The following UPP2 variants were observed in gnomAD, a reference collection of about 807,000 sequenced individuals.
UPP2 encodes the protein UPase 2.
A neutral mutation model predicts 26.7 loss-of-function variants in UPP2; 23 were observed. The observed-to-expected ratio is 0.86, with a 90% CI of 0.62 to 1.22. The LOEUF (loss-of-function observed/expected upper bound fraction) is 1.22. Among genes scored for constraint, UPP2 ranks in the 50% most tolerant of loss-of-function variants. The pLI, the probability that UPP2 is intolerant of heterozygous loss-of-function variation, is 0.00. For synonymous variants in UPP2, 127 were observed against 141.3 expected, an observed-to-expected ratio of 0.90 and a Z score of 0.72; for missense variants, 387 against 396.7, an observed-to-expected ratio of 0.98 and a Z score of 0.21.
chr2:158,065,457 A>T, intron 3 of UPP2: 1 of 280,298 alleles, frequency 3.6e-6, no homozygotes. Flanking sequence ...AGTATATTGA[A>T]GTAGACTTCA....
rs1008334916 is a variant in UPP2 at position 158,128,011 on chromosome 2, A to G, written c.811+4116A>G. Reference sequence around the variant, plus strand: ...CCCAAACATTCTGATGAAAGATGATAATCCTCTTGTACTGTGAACTTGTGG... The same window carrying G: ...CCCAAACATTCTGATGAAAGATGATGATCCTCTTGTACTGTGAACTTGTGG... On this transcript the variant is annotated intron_variant, in intron 6 of 6. Coordinates refer to ENST00000005756, the MANE Select transcript of UPP2 (RefSeq NM_173355.4). 7 of 985,292 alleles carry G rather than the reference A, an allele frequency of 7.1e-6. No homozygotes were observed. In the African/African-American group the frequency reaches 1.0e-4, roughly 15 times the overall value. 61.0% of individuals were successfully genotyped at this position (985,292 alleles called of 1,614,324 possible).
At chr2:158,002,592 G>A (rs1038518163) in intron 2 of UPP2, among the ~76,000 whole-genome samples, 2 of 152,268 alleles carry the variant, frequency 1.3e-5, no homozygotes, top group Non-Finnish European at 2.9e-5. Context: ...GTATTGAAGG[G>A]AAGATCCCTG....
chr2:158,057,593 T>G (rs1056721648), intron 3 of UPP2, among the ~76,000 whole-genome samples: 5 of 152,152 alleles, frequency 3.3e-5, no homozygotes, highest in Non-Finnish European at 4.4e-5. Context: ...ATTAATATCC[T>G]ATATTACACT....
At chr2:158,128,190 T>G (rs917559402) in intron 6 of UPP2, among the ~76,000 whole-genome samples, 1 of 152,242 alleles carries the variant, frequency 6.6e-6, no homozygotes, top group Non-Finnish European at 1.5e-5. Flanking sequence ...ACAGTGGCTT[T>G]TCTTTAAAGA....
chr2:158,118,287 T>TAAA (rs145239989), intron 4 of UPP2, among the ~76,000 whole-genome samples: 20 of 146,230 alleles, frequency 1.4e-4, no homozygotes, highest in Non-Finnish European at 2.7e-4. Flanking sequence ...TGTGTTCAAG[T>TAAA]AAAAAAAAAA....
chr2:158,013,854 G>A (rs1462672558), intron 2 of UPP2, among the ~76,000 whole-genome samples: 2 of 152,202 alleles, frequency 1.3e-5, no homozygotes, highest in Non-Finnish European at 2.9e-5. Context: ...GACAAGCCCA[G>A]GGGTTTTGTT....
intron 3 of UPP2, among the ~76,000 whole-genome samples, chr2:158,073,460 G>T (rs1682576573): frequency 6.6e-6 from 1 of 152,082 alleles, no homozygotes; most frequent in South Asian, 2.1e-4. Flanking sequence ...AAAATGTAGA[G>T]AAAGATATCA....
chr2:158,065,900 A>T, intron 3 of UPP2: 1 of 599,028 alleles, frequency 1.7e-6, no homozygotes, highest in Admixed American at 2.3e-5. Flanking sequence ...CCCTAGCATT[A>T]ATTGAAGGCA....
At chr2:158,021,676 A>C (rs1683754187) in intron 3 of UPP2, among the ~76,000 whole-genome samples, 1 of 152,200 alleles carries the variant, frequency 6.6e-6, no homozygotes, top group Admixed American at 6.5e-5. Flanking sequence ...GGAATTTAAG[A>C]TTTTTAATTT....
intron 3 of UPP2, among the ~76,000 whole-genome samples, chr2:158,046,447 G>T (rs1441482085): frequency 1.3e-5 from 2 of 152,162 alleles, no homozygotes; most frequent in Non-Finnish European, 2.9e-5. Flanking sequence ...CAGAGAATCT[G>T]CTTGCCCCAA....
chr2:158,026,552 A>G lies in UPP2; in HGVS notation c.147+10666A>G, dbSNP rs78560952. On this transcript the variant is annotated intron_variant, in intron 3 of 9. Transcript: ENST00000605860. ...CTTGGTAGATGGAGGAGATGCATAT[A>G]TGGTTGAGGAGAGGGGATACTTCAT... Among the ~76,000 whole-genome samples, 1,373 of 152,194 alleles carry G rather than the reference A, an allele frequency of 9.0e-3. 19 individuals carry two copies. The highest frequency in any genetic ancestry group is 0.031 in the African/African-American group (1,267 of 41,512).
intron 2 of UPP2, among the ~76,000 whole-genome samples, chr2:158,003,461 A>T (rs893072220): frequency 5.3e-5 from 8 of 152,170 alleles, no homozygotes; most frequent in African/African-American, 1.9e-4. Flanking sequence ...TAATCCAAAC[A>T]CTTTAGGAGG....
chr2:158,055,485 T>G (rs1682232540), intron 3 of UPP2, among the ~76,000 whole-genome samples: 1 of 152,228 alleles, frequency 6.6e-6, no homozygotes, highest in African/African-American at 2.4e-5. Context: ...GTATTTTTTT[T>G]TGTGACTGGC....
rs1224892725 is a variant in UPP2, at chr2:158,135,502, T to C, written c.*612T>C. 2 of 152,232 alleles carry C rather than the reference T, an allele frequency of 1.3e-5. No individual in the cohort carries two copies. 9.4% of individuals were successfully genotyped at this position (152,232 alleles called of 1,614,324 possible). On this transcript the variant is annotated 3_prime_UTR_variant, in exon 7 of 7. Transcript: ENST00000005756. ...AATATAACAACTCTGGATTACATTT[T>C]CCTCTCAACTGAAAACCCTCAGTAA...
At chr2:158,028,251 A>C (rs1479509310) in intron 3 of UPP2, among the ~76,000 whole-genome samples, 2 of 152,114 alleles carry the variant, frequency 1.3e-5, no homozygotes, top group Admixed American at 1.3e-4. Context: ...TGCCTTTAAC[A>C]CTCAAGTCAT....
chr2:157,997,686 C>T (rs1683342733), intron 2 of UPP2, among the ~76,000 whole-genome samples: 1 of 152,174 alleles, frequency 6.6e-6, no homozygotes, highest in Non-Finnish European at 1.5e-5. Flanking sequence ...GGCACCATAA[C>T]AGAGTCTTCA....
chr2:158,115,402 G>GA, intron 3 of UPP2, 143 bp downstream of exon 3: 1 of 1,016,530 alleles, frequency 9.8e-7, no homozygotes, highest in Non-Finnish European at 1.3e-6. Context: ...TTCATTATTG[G>GA]AAAAAGCCCC....
intron 2 of UPP2, among the ~76,000 whole-genome samples, chr2:158,112,732 T>C (rs907112754): frequency 6.6e-6 from 1 of 152,226 alleles, no homozygotes; most frequent in African/African-American, 2.4e-5. Context: ...TTTGAATGTA[T>C]TTATATTCCC....
At chr2:158,083,512 A>G (rs1682761515) in intron 3 of UPP2, among the ~76,000 whole-genome samples, 1 of 152,052 alleles carries the variant, frequency 6.6e-6, no homozygotes, top group African/African-American at 2.4e-5. Context: ...CAGTGAGAAC[A>G]CATGGACACA....
Sources: allele counts gnomAD v4.1 joint callset (sites outside exome capture counted in the v4.1 genomes callset), GRCh38; gene constraint gnomAD v4.1.1; transcripts MANE v1.5; gene names NCBI Gene and HGNC (gene_info 2026-07-23, HGNC 2026-07-21).